SUCLG2: variants seen among roughly 807,000 people sequenced by gnomAD.
SUCLG2 encodes succinate--CoA ligase [GDP-forming] subunit beta, mitochondrial.
In SUCLG2, 42 loss-of-function variants were observed where a neutral mutation model predicts 47.9. The ratio of observed to expected loss-of-function variants is 0.88; its 90% CI spans 0.69 to 1.14. The LOEUF is 1.14. Ranked by LOEUF, SUCLG2 falls within the 50% of genes most tolerant of loss-of-function variation. The pLI is 0.00. For missense variants in SUCLG2, 571 were observed against 525.9 expected (o/e 1.09, Z -0.84); for synonymous variants, 195 against 197.3 (o/e 0.99, Z 0.10).
At chr3:67,426,372 T>C (rs1218568996) in intron 9 of SUCLG2, among the ~76,000 whole-genome samples, 2 of 152,136 alleles carry the variant, frequency 1.3e-5, no homozygotes, top group African/African-American at 4.8e-5. Context: ...TTACCCAAAA[T>C]GCTAATAATG....
At position 67,518,437 on chromosome 3, in the gene SUCLG2, A is replaced by G. The variant is rs778502766; in HGVS notation, c.571-101T>C. 185 of 1,076,304 alleles carry G rather than the reference A, an allele frequency of 1.7e-4. 2 individuals are homozygous for G. The highest frequency in any genetic ancestry group is 1.2e-3 in the South Asian group (79 of 65,032). The allele number at this position is 1,076,304 out of a possible 1,614,324, so 66.7% of individuals were successfully genotyped here. A position where few individuals can be genotyped will look rare whatever the true frequency, so the allele number is the denominator to read the frequency against. ...AGTATTTATTTGCAAATGAGTAATT[A>G]AAGTGTGGCATCTATCCAGAGATCT... On this transcript the variant is annotated intron_variant, in intron 5 of 10. Coordinates refer to ENST00000307227, the MANE Select transcript of SUCLG2 (RefSeq NM_003848.4).
At chr3:67,596,503 C>T (rs1708295699) in intron 2 of SUCLG2, among the ~76,000 whole-genome samples, 1 of 152,162 alleles carries the variant, frequency 6.6e-6, no homozygotes, top group Non-Finnish European at 1.5e-5. Context: ...GCTTCCCTGA[C>T]CACCCAGCAT....
At chr3:67,482,329 A>C (rs947674035) in intron 9 of SUCLG2, among the ~76,000 whole-genome samples, 4 of 152,174 alleles carry the variant, frequency 2.6e-5, no homozygotes, top group Admixed American at 2.6e-4. Context: ...TCCGTCCTAT[A>C]CCTTATTTAA....
intron 10 of SUCLG2, among the ~76,000 whole-genome samples, chr3:67,387,993 A>G (rs923892815): frequency 6.6e-6 from 1 of 152,092 alleles, no homozygotes; most frequent in African/African-American, 2.4e-5. Context: ...TAACAACATA[A>G]GACAATATCT....
chr3:67,428,206 T>G (rs989132577), intron 9 of SUCLG2, among the ~76,000 whole-genome samples: 1 of 152,224 alleles, frequency 6.6e-6, no homozygotes, highest in Non-Finnish European at 1.5e-5. Flanking sequence ...AGGGGCCGAC[T>G]GACACCTCAT....
rs145425307 is a variant in SUCLG2 at position 67,428,333 on chromosome 3, G to A, written c.1063-27482C>T. Reference sequence around the variant, plus strand: ...TGCTGGTGATATCCAGGCAAACAGGGTCTGGAGTGGACCTCCAGCAAACTA... The same window carrying A: ...TGCTGGTGATATCCAGGCAAACAGGATCTGGAGTGGACCTCCAGCAAACTA... On this transcript the variant is annotated intron_variant, in intron 9 of 10. Transcript: ENST00000307227. Among the ~76,000 whole-genome samples the A allele has an allele frequency of 4.7e-3, 712 of 152,304 alleles. 5 individuals carry two copies. Among genetic ancestry groups the A allele is most frequent in the African/African-American group, 0.016 (680 of 41,584 alleles).
chr3:67,594,645 G>C (rs1048374898), intron 2 of SUCLG2, among the ~76,000 whole-genome samples: 3 of 152,128 alleles, frequency 2.0e-5, no homozygotes, highest in African/African-American at 7.2e-5. Context: ...TCCTCACCAA[G>C]CTCAAATATT....
At chr3:67,411,692 T>G (rs1702936523) in intron 9 of SUCLG2, among the ~76,000 whole-genome samples, 3 of 152,158 alleles carry the variant, frequency 2.0e-5, no homozygotes, top group African/African-American at 7.2e-5. Flanking sequence ...AAAAACAAGT[T>G]TCCATTTCAT....
chr3:67,368,651 G>A (rs6786038), intron 10 of SUCLG2, among the ~76,000 whole-genome samples: 77,209 of 151,632 alleles, frequency 0.51, 19,807 homozygotes, highest in Middle Eastern at 0.62. Flanking sequence ...TGTTACCCAG[G>A]CTGGAGTGCA....
intron 10 of SUCLG2, among the ~76,000 whole-genome samples, chr3:67,391,033 T>C (rs533830275): frequency 2.2e-4 from 33 of 152,338 alleles, no homozygotes; most frequent in African/African-American, 7.5e-4. Context: ...GTAGACTGGA[T>C]ACCGTTTCTC....
At chr3:67,408,873 C>T (rs1702873365) in intron 9 of SUCLG2, 1 of 1,462,992 alleles carries the variant, frequency 6.8e-7, no homozygotes, top group Non-Finnish European at 9.0e-7. Context: ...ACTGTAAAGT[C>T]CATGTTCGTT....
At chr3:67,639,992 A>C (rs944848857) in intron 1 of SUCLG2, among the ~76,000 whole-genome samples, 3 of 152,226 alleles carry the variant, frequency 2.0e-5, no homozygotes, top group Non-Finnish European at 2.9e-5. Context: ...ACTTTAGAGC[A>C]CTACCTATAC....
At chr3:67,608,788 C>T (rs550950023) in intron 2 of SUCLG2, among the ~76,000 whole-genome samples, 44 of 152,008 alleles carry the variant, frequency 2.9e-4, no homozygotes, top group African/African-American at 9.7e-4. Flanking sequence ...AGTGATCCTC[C>T]TGCCAAAGCC....
At chr3:67,447,819 C>G (rs751211693) in intron 9 of SUCLG2, among the ~76,000 whole-genome samples, 83 of 152,138 alleles carry the variant, frequency 5.5e-4, no homozygotes, top group Non-Finnish European at 9.6e-4. Flanking sequence ...AACCTCTGCT[C>G]CCGGGTTCAA....
intron 9 of SUCLG2, among the ~76,000 whole-genome samples, chr3:67,469,759 T>C (rs1704559559): frequency 6.6e-6 from 1 of 151,066 alleles, no homozygotes; most frequent in African/African-American, 2.4e-5. Flanking sequence ...TTAAAAAAGA[T>C]TATGGCCCGG....
intron 9 of SUCLG2, among the ~76,000 whole-genome samples, chr3:67,438,124 A>G (rs1396567962): frequency 6.6e-6 from 1 of 152,242 alleles, no homozygotes. Context: ...CTGTTCATAA[A>G]TGACTACTGG....
At chr3:67,477,539 A>G (rs772476559) in intron 9 of SUCLG2, among the ~76,000 whole-genome samples, 3 of 152,192 alleles carry the variant, frequency 2.0e-5, no homozygotes, top group Non-Finnish European at 4.4e-5. Flanking sequence ...TATTAAAAAT[A>G]CAAAAATTAG....
At position 67,385,535 on chromosome 3, in the gene SUCLG2, C is replaced by T. The variant is rs141835821; in HGVS notation, c.1184-9676G>A. Among the ~76,000 whole-genome samples, 161 of 152,278 alleles carry T rather than the reference C, an allele frequency of 1.1e-3. 3 individuals carry two copies. The East Asian group carries it at 0.023, about 22-fold the overall frequency. On this transcript the variant is annotated intron_variant, in intron 10 of 10. Transcript: ENST00000307227. Reference sequence around the variant, plus strand: ...TGGAGAAAGTTGGCATGGGTAGTCCCGCCCCTTCCTCTGGCCTTCCTTTTA... The same window carrying T: ...TGGAGAAAGTTGGCATGGGTAGTCCTGCCCCTTCCTCTGGCCTTCCTTTTA...
intron 7 of SUCLG2, among the ~76,000 whole-genome samples, chr3:67,508,096 T>C (rs1271140495): frequency 1.3e-5 from 2 of 152,188 alleles, no homozygotes; most frequent in African/African-American, 4.8e-5. Flanking sequence ...ACCTGATGGA[T>C]AGGAGAAACC....
Sources: allele counts gnomAD v4.1 joint callset (sites outside exome capture counted in the v4.1 genomes callset), GRCh38; gene constraint gnomAD v4.1.1; transcripts MANE v1.5; gene names NCBI Gene and HGNC (gene_info 2026-07-23, HGNC 2026-07-21).